The following RPL18A variants were observed in gnomAD, a reference collection of about 807,000 sequenced individuals.
RPL18A encodes the protein large ribosomal subunit protein eL20.
For missense variants in RPL18A, 163 were observed against 254.1 expected, an observed-to-expected ratio of 0.64 and a Z score of 2.44; for synonymous variants, 122 against 96.9, an observed-to-expected ratio of 1.26 and a Z score of -1.52.
At chr19:17,861,945 G>A (rs548429256) in intron 2 of RPL18A, 149 bp from the exon 3 acceptor site, 44 of 873,502 alleles carry the variant, frequency 5.0e-5, no homozygotes, top group East Asian at 2.2e-4. Context: ...CTGAAGGTAG[G>A]TGGGGCTGGG....
rs1486711255 is a variant in RPL18A, at chr19:17,861,465, G to A, written c.191G>A (p.Cys64Tyr). Residue 64 changes from cysteine (C) to tyrosine (Y), a missense_variant, in exon 2 of 5, where the codon TGT (cysteine) becomes TAT (tyrosine). Physicochemically the swap from Cys to Tyr is radical, Grantham distance 194. Transcript: ENST00000222247. Reference sequence around the variant, plus strand: ...AAGTCTTCAGGGGAGATTGTCTACTGTGGGCAGGTATGGAGAGGCCGGGGC... The same window carrying A: ...AAGTCTTCAGGGGAGATTGTCTACTATGGGCAGGTATGGAGAGGCCGGGGC... ...MKKSSGEIVYCGQVFEKSPLR... is the reference protein window; with the variant it reads ...MKKSSGEIVYYGQVFEKSPLR... The A allele has an allele frequency of 1.3e-6, 2 of 1,591,944 alleles. No individual in the cohort carries two copies. The highest frequency in any genetic ancestry group is 1.7e-6 in the Non-Finnish European group (2 of 1,166,170).
intron 2 of RPL18A, 155 bp downstream of exon 2, chr19:17,861,627 G>C (rs1378301828): frequency 4.6e-6 from 3 of 652,058 alleles, no homozygotes; most frequent in Non-Finnish European, 5.2e-6. Flanking sequence ...TTGTGTTTCT[G>C]CCTGGGTCAC....
intron 4 of RPL18A, 37 bp from the exon 5 acceptor site, chr19:17,863,134 G>C: frequency 6.3e-7 from 1 of 1,578,430 alleles, no homozygotes; most frequent in Non-Finnish European, 8.7e-7. Flanking sequence ...GTGTTAAGAG[G>C]CTTCCAACCC....
At chr19:17,860,591 G>A (rs1343039509) in intron 1 of RPL18A, among the ~76,000 whole-genome samples, 2 of 152,224 alleles carry the variant, frequency 1.3e-5, no homozygotes, top group Non-Finnish European at 2.9e-5. Context: ...CAGGTTCACA[G>A]TAAAAGTAGG....
intron 1 of RPL18A, chr19:17,860,439 C>T (rs1599894290): frequency 6.2e-6 from 1 of 161,846 alleles, no homozygotes; most frequent in Admixed American, 6.5e-5. Context: ...TAGAATCAAA[C>T]GGCTCTATGG....
intron 1 of RPL18A, 101 bp from the exon 2 acceptor site, chr19:17,861,192 C>T: frequency 1.7e-6 from 2 of 1,160,038 alleles, no homozygotes; most frequent in South Asian, 1.3e-5. Flanking sequence ...CTGCCTCCTG[C>T]TTCCCGAATC....
chr19:17,859,968 G>T lies in RPL18A; in HGVS notation c.12G>T (p.Ser4=), dbSNP rs770543845. 12 of 1,535,156 alleles carry T rather than the reference G, an allele frequency of 7.8e-6. No individual in the cohort carries two copies. The highest frequency in any genetic ancestry group is 1.2e-5 in the South Asian group (1 of 82,656). The change falls in exon 1 of 5, where the codon TCG becomes TCT. Residue 4 remains serine (S), a synonymous_variant. Transcript: ENST00000222247. The part of the protein sequence containing the change: MKA[S]GTLREYKVVG... ...GCGGAGAGCACGCCATGAAGGCCTCGGGCACGGTAAGGCGGGCGCGGCGCG... is the reference window on the plus strand; with the variant it reads ...GCGGAGAGCACGCCATGAAGGCCTCTGGCACGGTAAGGCGGGCGCGGCGCG...
intron 3 of RPL18A, 50 bp downstream of exon 3, chr19:17,862,273 C>G: frequency 6.3e-7 from 1 of 1,598,164 alleles, no homozygotes. Context: ...TTGACTCCCT[C>G]ACACTGAGGC....
At chr19:17,860,657 C>T (rs980452424) in intron 1 of RPL18A, 3 of 152,518 alleles carry the variant, frequency 2.0e-5, no homozygotes, top group African/African-American at 7.2e-5. Flanking sequence ...GCTGGCGAGT[C>T]AGTTTCAGAG....
chr19:17,862,198 C>G lies in RPL18A; in HGVS notation c.303C>G (p.Thr101=). ...HNMYREYRDL[T]TAGAVTQCYR... is the part of the protein sequence containing the mutation. ...TGTACCGGGAATACCGGGACCTGAC[C>G]ACCGCAGGCGCTGTCACCCAGTGCT... The change falls in exon 3 of 5, where the codon ACC becomes ACG. Residue 101 remains threonine, a synonymous_variant. Coordinates refer to ENST00000222247, the MANE Select transcript of RPL18A (RefSeq NM_000980.4). The G allele has an allele frequency of 5.0e-6, 8 of 1,613,476 alleles. No homozygotes were observed. The highest frequency in any genetic ancestry group is 6.8e-6 in the Non-Finnish European group (8 of 1,180,016).
intron 1 of RPL18A, 23 bp from the exon 2 acceptor site, chr19:17,861,270 C>T (rs541023011): frequency 1.3e-5 from 21 of 1,612,138 alleles, no homozygotes; most frequent in African/African-American, 6.7e-5. Context: ...GCTGGCCTTA[C>T]CCTCACTCCT....
At chr19:17,862,269 C>A in intron 3 of RPL18A, 46 bp downstream of exon 3, 1 of 1,602,956 alleles carries the variant, frequency 6.2e-7, no homozygotes, top group Non-Finnish European at 8.5e-7. Flanking sequence ...CTCCTTGACT[C>A]CCTCACACTG....
At chr19:17,862,349 A>G (rs10423882) in intron 3 of RPL18A, 126 bp downstream of exon 3, 39,530 of 1,199,160 alleles carry the variant, frequency 0.033, 2,340 homozygotes, top group East Asian at 0.2. Context: ...ACAGGAAGAC[A>G]AAAGGATGCC....
intron 1 of RPL18A, chr19:17,861,013 G>C: frequency 2.1e-6 from 1 of 479,414 alleles, no homozygotes; most frequent in Non-Finnish European, 3.7e-6. Flanking sequence ...GTGGGTCTAA[G>C]CCACAGCTTT....
Position 17,863,256 on chromosome 19 carries a change from T to C in RPL18A, c.524T>C (p.Phe175Ser), listed in dbSNP as rs766118571. ...TTCACCACCAAGAGGCCCAACACCT[T>C]CTTCTAGGTGCAGGGCCCTCGTCCG... ...PRFTTKRPNT[F>S]F The change falls in exon 5 of 5, where the codon TTC becomes TCC. Residue 175 changes from phenylalanine (F) to serine (S), a missense_variant. Phe to Ser is a radical substitution (Grantham distance 155, BLOSUM62 -2). Transcript: ENST00000222247. 21 of 1,574,576 alleles carry C rather than the reference T, an allele frequency of 1.3e-5. No individual in the cohort carries two copies. Among genetic ancestry groups the C allele is most frequent in the Admixed American group, 3.3e-5 (2 of 59,708 alleles).
At chr19:17,863,112 C>G in intron 4 of RPL18A, 59 bp from the exon 5 acceptor site, 13 of 1,554,792 alleles carry the variant, frequency 8.4e-6, no homozygotes, top group Non-Finnish European at 1.2e-5. Flanking sequence ...CTTGGTGGCC[C>G]CACAGGATGG....
intron 1 of RPL18A, 200 bp from the exon 2 acceptor site, chr19:17,861,093 C>T (rs965678676): frequency 1.7e-6 from 1 of 588,398 alleles, no homozygotes; most frequent in Non-Finnish European, 3.0e-6. Flanking sequence ...TGGAGACCTC[C>T]CTCTCCTCAG....
At chr19:17,861,567 C>T (rs961289124) in intron 2 of RPL18A, 95 bp downstream of exon 2, 60 of 1,008,216 alleles carry the variant, frequency 6.0e-5, no homozygotes, top group Non-Finnish European at 8.3e-5. Context: ...CGAACGGGTG[C>T]GGTAGCTCAA....
At chr19:17,860,808 C>T (rs1378742946) in intron 1 of RPL18A, 2 of 157,268 alleles carry the variant, frequency 1.3e-5, no homozygotes, top group Non-Finnish European at 2.8e-5. Context: ...CGCGTGGCAA[C>T]AGTGCAGGGA....
Sources: gnomAD v4.1 joint callset for allele counts (sites outside exome capture counted in the v4.1 genomes callset) on GRCh38, gnomAD v4.1.1 for gene constraint, MANE v1.5 for transcripts, NCBI Gene and HGNC (gene_info 2026-07-23, HGNC 2026-07-21) for gene names.